The following CNTNAP2 variants were observed in gnomAD, a reference collection of about 807,000 sequenced individuals.
CNTNAP2 encodes the protein contactin associated protein 2.
CNTNAP2 carries 98 observed loss-of-function variants against 155.2 expected under a neutral mutation model. That is an observed-to-expected ratio of 0.63 (90% CI 0.54 to 0.75). The LOEUF is 0.75. Ranked by LOEUF, CNTNAP2 falls within the 30% of genes least tolerant of loss-of-function variation. CNTNAP2 has a pLI of 0.00. For synonymous variants in CNTNAP2, 651 were observed against 631.2 expected, an observed-to-expected ratio of 1.03 and a Z score of -0.47; for missense variants, 1,727 against 1,688.1, an observed-to-expected ratio of 1.02 and a Z score of -0.40.
At chr7:147,025,449 G>GCA (rs1563048588) in intron 3 of CNTNAP2, among the ~76,000 whole-genome samples, 1 of 13,824 alleles carries the variant, frequency 7.2e-5, no homozygotes, top group Non-Finnish European at 1.3e-4. Flanking sequence ...GAGGGGAGGG[G>GCA]AGGAGGGGGA....
At position 146,460,066 on chromosome 7, in the gene CNTNAP2, G is replaced by A. The variant is rs74588034; in HGVS notation, c.98-314205G>A. Among the ~76,000 whole-genome samples the A allele has an allele frequency of 1.9e-3, 291 of 152,256 alleles. 4 individuals are homozygous for A. Among genetic ancestry groups the A allele is most frequent in the Non-Finnish European group, 3.7e-3 (250 of 68,020 alleles). On this transcript the variant is annotated intron_variant, in intron 1 of 23. Transcript: ENST00000361727. ...AGTTTAACAACAAAATGGCGGCCAA[G>A]CTTGGGATTTAGAACTATTGGAACA...
At chr7:147,702,057 T>G (rs1269441204) in intron 13 of CNTNAP2, among the ~76,000 whole-genome samples, 3 of 78,198 alleles carry the variant, frequency 3.8e-5, no homozygotes, top group African/African-American at 1.9e-4. Flanking sequence ...TTTGGTTGGT[T>G]TTTTTTTTTT....
chr7:146,843,158 G>A lies in CNTNAP2; in HGVS notation c.402+3254G>A, dbSNP rs532013065. Among the ~76,000 whole-genome samples the A allele has an allele frequency of 9.3e-3, 1,231 of 132,086 alleles. 91 individuals carry two copies. Among genetic ancestry groups the A allele is most frequent in the African/African-American group, 0.037 (1,162 of 31,354 alleles). 86.7% of individuals were successfully genotyped at this position (132,086 alleles called of 152,430 possible). A position where few individuals can be genotyped will look rare whatever the true frequency, so the allele number is the denominator to read the frequency against. On this transcript the variant is annotated intron_variant, in intron 3 of 23. Transcript: ENST00000361727. The stretch of plus-strand genomic sequence containing the variant: ...CTCCCCAGTAGCTGGGACTACAGGC[G>A]CCCGCCACCGCGCCCAGCTAATTTT...
chr7:148,298,340 G>T (rs548811718), intron 21 of CNTNAP2, among the ~76,000 whole-genome samples: 1 of 152,166 alleles, frequency 6.6e-6, no homozygotes, highest in African/African-American at 2.4e-5. Context: ...TTGGAGATAC[G>T]TTTTTAAGTC....
chr7:146,300,331 A>T (rs1563027447), intron 1 of CNTNAP2, among the ~76,000 whole-genome samples: 2 of 151,454 alleles, frequency 1.3e-5, no homozygotes, highest in Admixed American at 6.6e-5. Flanking sequence ...TAAATATTGC[A>T]CACTTTTTAT....
intron 14 of CNTNAP2, among the ~76,000 whole-genome samples, chr7:147,941,146 T>C (rs942232948): frequency 6.6e-6 from 1 of 152,218 alleles, no homozygotes; most frequent in Admixed American, 6.5e-5. Flanking sequence ...CAAAAGGGTT[T>C]CCCAAAGAAG....
chr7:147,152,740 C>T (rs1373516715), intron 8 of CNTNAP2, among the ~76,000 whole-genome samples: 2 of 152,034 alleles, frequency 1.3e-5, no homozygotes, highest in Admixed American at 1.3e-4. Context: ...CAAATATATA[C>T]TGTAAACATT....
intron 13 of CNTNAP2, among the ~76,000 whole-genome samples, chr7:147,882,046 G>A (rs977051555): frequency 2.0e-5 from 3 of 151,852 alleles, no homozygotes; most frequent in Non-Finnish European, 4.4e-5. Context: ...TTCTGTTACC[G>A]AGAAGAGGTG....
At chr7:147,588,222 G>A (rs1284812381) in intron 12 of CNTNAP2, among the ~76,000 whole-genome samples, 2 of 145,696 alleles carry the variant, frequency 1.4e-5, no homozygotes, top group Non-Finnish European at 1.5e-5. Flanking sequence ...AAAACAAAAC[G>A]AAACAAAAAA....
intron 5 of CNTNAP2, among the ~76,000 whole-genome samples, chr7:147,119,055 T>G (rs1801046963): frequency 6.6e-6 from 1 of 151,598 alleles, no homozygotes; most frequent in Admixed American, 6.6e-5. Flanking sequence ...AGGGGGAGAG[T>G]AACCAGAAAC....
chr7:147,284,307 A>AT (rs1303543783), intron 8 of CNTNAP2, among the ~76,000 whole-genome samples: 1 of 151,808 alleles, frequency 6.6e-6, no homozygotes, highest in Non-Finnish European at 1.5e-5. Context: ...CATTTTAGTG[A>AT]TAAAAATTTG....
chr7:147,508,223 A>G (rs1562971745), intron 11 of CNTNAP2, among the ~76,000 whole-genome samples: 1 of 152,158 alleles, frequency 6.6e-6, no homozygotes, highest in Non-Finnish European at 1.5e-5. Context: ...ATATCCCTGC[A>G]TCAAGCTTGG....
At chr7:146,678,515 A>AT (rs1800444177) in intron 1 of CNTNAP2, among the ~76,000 whole-genome samples, 2 of 152,296 alleles carry the variant, frequency 1.3e-5, no homozygotes, top group Admixed American at 1.3e-4. Context: ...AAATAGCTCA[A>AT]TTTACACTGT....
At chr7:148,346,217 G>T (rs907790876) in intron 21 of CNTNAP2, among the ~76,000 whole-genome samples, 8 of 152,098 alleles carry the variant, frequency 5.3e-5, no homozygotes, top group Admixed American at 5.2e-4. Flanking sequence ...AAAATGGGAA[G>T]AACAATTTAA....
chr7:146,278,859 G>C (rs901307620), intron 1 of CNTNAP2, among the ~76,000 whole-genome samples: 1 of 152,152 alleles, frequency 6.6e-6, no homozygotes, highest in Admixed American at 6.6e-5. Context: ...CATAAGAAAG[G>C]ATAGATGAAT....
intron 1 of CNTNAP2, among the ~76,000 whole-genome samples, chr7:146,745,247 C>G (rs1266254572): frequency 6.6e-6 from 1 of 152,164 alleles, no homozygotes; most frequent in South Asian, 2.1e-4. Flanking sequence ...TAATGCTAGG[C>G]ACCCAGAATT....
chr7:147,401,994 A>G (rs912148706), intron 10 of CNTNAP2, among the ~76,000 whole-genome samples: 2 of 152,234 alleles, frequency 1.3e-5, no homozygotes, highest in African/African-American at 2.4e-5. Flanking sequence ...TTTTGCGTTC[A>G]TAACTTAGAT....
intron 9 of CNTNAP2, among the ~76,000 whole-genome samples, chr7:147,324,455 A>G (rs73742554): frequency 0.055 from 8,305 of 152,240 alleles, 289 homozygotes; most frequent in African/African-American, 0.1. Context: ...TATGTAATCC[A>G]TTCAGCCTTA....
At chr7:147,480,876 C>G (rs1015313592) in intron 10 of CNTNAP2, among the ~76,000 whole-genome samples, 2 of 152,180 alleles carry the variant, frequency 1.3e-5, no homozygotes, top group Admixed American at 6.5e-5. Flanking sequence ...TCTCAGAATC[C>G]CAGACTCCAA....
Sources: allele counts gnomAD v4.1 joint callset (sites outside exome capture counted in the v4.1 genomes callset), GRCh38; gene constraint gnomAD v4.1.1; transcripts MANE v1.5; gene names NCBI Gene and HGNC (gene_info 2026-07-23, HGNC 2026-07-21).